Variants in DCC observed in about 807,000 individuals in gnomAD.
The protein encoded by DCC is DCC netrin 1 receptor.
Under a neutral mutation model 172.5 loss-of-function variants are expected in DCC, and 58 were observed. The ratio of observed to expected loss-of-function variants is 0.34; its 90% CI spans 0.27 to 0.42. DCC has a LOEUF of 0.42. DCC is among the 10% of genes least tolerant of loss of function. The pLI, the probability that DCC is intolerant of heterozygous loss-of-function variation, is 1.00. For synonymous variants in DCC, 709 were observed against 644.5 expected (o/e 1.10, Z -1.52); for missense variants, 1,740 against 1,791.0 (o/e 0.97, Z 0.51).
intron 12 of DCC, among the ~76,000 whole-genome samples, chr18:53,290,342 T>A (rs1269366690): frequency 6.6e-6 from 1 of 152,218 alleles, no homozygotes; most frequent in Non-Finnish European, 1.5e-5. Context: ...TCTATAATCT[T>A]ACCTGACATT....
intron 25 of DCC, among the ~76,000 whole-genome samples, chr18:53,472,406 C>T (rs2045707750): frequency 6.6e-6 from 1 of 152,142 alleles, no homozygotes; most frequent in Non-Finnish European, 1.5e-5. Context: ...TTATACCTTT[C>T]ACTACTGAGA....
intron 1 of DCC, among the ~76,000 whole-genome samples, chr18:52,627,884 G>A (rs2034603360): frequency 6.6e-6 from 1 of 152,136 alleles, no homozygotes; most frequent in Non-Finnish European, 1.5e-5. Flanking sequence ...ACTGGAGAGT[G>A]TCTGCAATGT....
intron 8 of DCC, among the ~76,000 whole-genome samples, chr18:53,173,576 C>A (rs1477554668): frequency 3.3e-5 from 5 of 151,986 alleles, no homozygotes; most frequent in African/African-American, 4.8e-5. Flanking sequence ...TCAAAAGAGA[C>A]AAAGAAGGTC....
At chr18:52,659,084 C>G (rs35948846) in intron 1 of DCC, among the ~76,000 whole-genome samples, 434 of 152,246 alleles carry the variant, frequency 2.9e-3, no homozygotes, top group Middle Eastern at 0.01. Context: ...AATGTTCCAT[C>G]ATTTTACCTT....
chr18:52,998,735 T>C (rs2041520980), intron 5 of DCC, among the ~76,000 whole-genome samples: 1 of 152,104 alleles, frequency 6.6e-6, no homozygotes, highest in Non-Finnish European at 1.5e-5. Context: ...TGAGAATATC[T>C]CGAATGTGTA....
At chr18:52,954,851 C>T (rs1022475975) in intron 5 of DCC, among the ~76,000 whole-genome samples, 2 of 152,126 alleles carry the variant, frequency 1.3e-5, no homozygotes, top group East Asian at 1.9e-4. Context: ...TAACTGAATA[C>T]CAGCTTAAGT....
rs1909182497 is a variant in DCC at position 53,399,637 on chromosome 18, GCTC to G, written c.2827+2192_2827+2194del. 8.1e-3 allele frequency among the ~76,000 whole-genome samples: 6 copies of G among 744 alleles called. 3 individuals are homozygous for G. Among genetic ancestry groups the G allele is most frequent in the Admixed American group, 0.5 (2 of 4 alleles). 0.5% of individuals were successfully genotyped at this position (744 alleles called of 152,430 possible). ...AAATCAGAGGGGGCCGGGCGCGGTG[GCTC>G]ACGCCTGTAATCCCAGCACTTTGGG... On this transcript the variant is annotated intron_variant, in intron 18 of 28. Coordinates refer to ENST00000442544, the MANE Select transcript of DCC (RefSeq NM_005215.4).
At chr18:53,178,913 G>A (rs745973753) in intron 8 of DCC, 49 bp from the exon 9 acceptor site, 1 of 1,608,812 alleles carries the variant, frequency 6.2e-7, no homozygotes, top group Non-Finnish European at 8.5e-7. Flanking sequence ...GATTTTGGCT[G>A]AAGGTATTCT....
intron 1 of DCC, among the ~76,000 whole-genome samples, chr18:52,741,843 C>T (rs1020925626): frequency 4.6e-5 from 7 of 152,058 alleles, no homozygotes; most frequent in Non-Finnish European, 1.0e-4. Context: ...ATCTGCTCCA[C>T]GTCTGTGATG....
At chr18:52,403,442 CT>C (rs1312023068) in intron 1 of DCC, among the ~76,000 whole-genome samples, 1 of 152,026 alleles carries the variant, frequency 6.6e-6, no homozygotes, top group African/African-American at 2.4e-5. Context: ...CAGACTCATA[CT>C]TAACACCCTG....
At chr18:52,508,265 C>T (rs2031306915) in intron 1 of DCC, among the ~76,000 whole-genome samples, 1 of 152,050 alleles carries the variant, frequency 6.6e-6, no homozygotes, top group Admixed American at 6.6e-5. Context: ...TGAGGATCTC[C>T]TTGTTTTAGT....
intron 1 of DCC, among the ~76,000 whole-genome samples, chr18:52,709,086 G>C (rs1285507508): frequency 6.6e-6 from 1 of 152,058 alleles, no homozygotes; most frequent in African/African-American, 2.4e-5. Flanking sequence ...CCCCTGCAAG[G>C]TACTTTGCTG....
intron 12 of DCC, among the ~76,000 whole-genome samples, chr18:53,303,223 A>T (rs1043857243): frequency 1.3e-5 from 2 of 152,112 alleles, no homozygotes; most frequent in Non-Finnish European, 2.9e-5. Context: ...CAACTTATTT[A>T]TTGAATATTT....
chr18:52,632,299 GCT>G (rs2034692193), intron 1 of DCC, among the ~76,000 whole-genome samples: 14 of 152,006 alleles, frequency 9.2e-5, no homozygotes, highest in Middle Eastern at 3.2e-3. Context: ...GTCAATTTTT[GCT>G]CATTGTTCTA....
chr18:52,610,382 CAAAAAAAAAAAAAA>C (rs55715009), intron 1 of DCC, among the ~76,000 whole-genome samples: 4 of 49,964 alleles, frequency 8.0e-5, no homozygotes, highest in African/African-American at 4.1e-4. Context: ...TCTGTCTCAA[CAAAAAAAAAAAAAA>C]AAAAAAAAAA....
chr18:52,426,296 A>ATTTT (rs59755014), intron 1 of DCC, among the ~76,000 whole-genome samples: 64 of 142,014 alleles, frequency 4.5e-4, no homozygotes, highest in Non-Finnish European at 2.1e-4. Context: ...TAGTGCCAGA[A>ATTTT]TTTTTTTTTT....
At chr18:52,904,858 A>G (rs2039857854) in intron 2 of DCC, among the ~76,000 whole-genome samples, 1 of 152,246 alleles carries the variant, frequency 6.6e-6, no homozygotes, top group Non-Finnish European at 1.5e-5. Flanking sequence ...AATAGCAAAC[A>G]TAAATAATTA....
At chr18:52,687,632 A>G (rs1469006463) in intron 1 of DCC, among the ~76,000 whole-genome samples, 1 of 152,172 alleles carries the variant, frequency 6.6e-6, no homozygotes, top group Non-Finnish European at 1.5e-5. Flanking sequence ...CATACAATTT[A>G]AAAATGTATA....
chr18:52,367,287 C>A (rs1048987426), intron 1 of DCC, among the ~76,000 whole-genome samples: 2 of 152,228 alleles, frequency 1.3e-5, no homozygotes, highest in African/African-American at 4.8e-5. Flanking sequence ...GCGCCTCTCC[C>A]TCCACACCTC....
Sources: allele counts gnomAD v4.1 joint callset (sites outside exome capture counted in the v4.1 genomes callset), GRCh38; gene constraint gnomAD v4.1.1; transcripts MANE v1.5; gene names NCBI Gene and HGNC (gene_info 2026-07-23, HGNC 2026-07-21).